MPDZ: variants seen among roughly 807,000 people sequenced by gnomAD.
The protein encoded by MPDZ is multiple PDZ domain crumbs cell polarity complex component.
MPDZ carries 234 observed loss-of-function variants against 239.1 expected under a neutral mutation model. The ratio of observed to expected loss-of-function variants is 0.98; its 90% CI spans 0.88 to 1.09. The LOEUF (loss-of-function observed/expected upper bound fraction) is 1.09, where lower values mean the gene tolerates loss of function less well. MPDZ is among the 50% of genes least tolerant of loss of function. The probability of loss-of-function intolerance (pLI) is 0.00; values close to 1 mark genes in which losing one functional copy is unlikely to be tolerated. For missense variants in MPDZ, 3,175 were observed against 2,510.0 expected (o/e 1.26, Z -5.66); for synonymous variants, 1,048 against 881.3 (o/e 1.19, Z -3.35).
At position 13,144,098 on chromosome 9, in the gene MPDZ, A is replaced by G. The variant is rs181120932; in HGVS notation, c.3742-534T>C. On this transcript the variant is annotated intron_variant, in intron 26 of 46. Transcript: ENST00000319217. ...TTGACTGGATATTAAAGTGCTTCAG[A>G]GCAATTGTATTTTTTAAATTAAAAA... Among the ~76,000 whole-genome samples the G allele has an allele frequency of 3.9e-5, 6 of 152,182 alleles. No homozygotes were observed. The East Asian group carries it at 9.7e-4, about 24-fold the overall frequency.
At position 13,249,008 on chromosome 9, in the gene MPDZ, A is replaced by AAAAAC. The variant is rs1279043046; in HGVS notation, c.17-1208_17-1207insGTTTT. On this transcript the variant is annotated intron_variant, in intron 2 of 46. Transcript: ENST00000319217. ...AAAAAAAAAAAAAAAAAAAAAAAAA[A>AAAAAC]ATTGGAATCATCACCAGAGATACTT... 8.8e-5 allele frequency among the ~76,000 whole-genome samples: 11 copies of AAAAAC among 125,250 alleles called. 1 individual carries two copies. The highest frequency in any genetic ancestry group is 1.7e-4 in the Non-Finnish European group (10 of 58,348). 82.2% of individuals were successfully genotyped at this position (125,250 alleles called of 152,430 possible). A position where few individuals can be genotyped will look rare whatever the true frequency, so the allele number is the denominator to read the frequency against.
chr9:13,216,020 G>C (rs894581944), intron 10 of MPDZ, among the ~76,000 whole-genome samples: 30 of 145,672 alleles, frequency 2.1e-4, no homozygotes, highest in Non-Finnish European at 3.9e-4. Flanking sequence ...CACCAGCTCA[G>C]TGAAGACACC....
intron 20 of MPDZ, 87 bp from the exon 21 acceptor site, chr9:13,175,962 A>G: frequency 2.7e-6 from 4 of 1,477,766 alleles, no homozygotes; most frequent in Non-Finnish European, 3.6e-6. Flanking sequence ...ATGTTCTCTA[A>G]TTGATTGTGC....
intron 23 of MPDZ, among the ~76,000 whole-genome samples, chr9:13,159,215 C>T (rs575527018): frequency 6.6e-6 from 1 of 152,250 alleles, no homozygotes; most frequent in South Asian, 2.1e-4. Context: ...TCCAGGCTCT[C>T]CAAGAACATC....
rs1159563307 is a variant in MPDZ at position 13,143,532 on chromosome 9, A to C, written c.3774T>G (p.Leu1258=). 6.2e-7 allele frequency: 1 copy of C among 1,613,102 alleles called. No individual in the cohort carries two copies. The highest frequency in any genetic ancestry group is 8.5e-7 in the Non-Finnish European group (1 of 1,179,214). Residue 1258 remains leucine (L), a synonymous_variant, in exon 27 of 47, where the codon CTT becomes CTG. Transcript: ENST00000319217. The part of the protein sequence containing the change: ...KSPLPSLLHN[L]YPKYNFSSTN... ...TGCTGCTGAAGTTGTACTTAGGGTAAAGGTTGTGCAGCAAGGAAGGCAAAG... is the reference window on the plus strand; with the variant it reads ...TGCTGCTGAAGTTGTACTTAGGGTACAGGTTGTGCAGCAAGGAAGGCAAAG...
chr9:13,264,211 T>G (rs1393848882), intron 1 of MPDZ, among the ~76,000 whole-genome samples: 1 of 152,200 alleles, frequency 6.6e-6, no homozygotes, highest in Admixed American at 6.5e-5. Context: ...AAGTTATTTT[T>G]ATTTTTAAGA....
Position 13,192,277 on chromosome 9 carries a change from G to T in MPDZ, c.1822C>A (p.Leu608Ile). 6.3e-7 allele frequency: 1 copy of T among 1,598,968 alleles called. No homozygotes were observed. ...ELLEVNGITLLGENHQDVVNI... is the reference protein window; with the variant it reads ...ELLEVNGITLIGENHQDVVNI... ...ACCACATCTTGGTGATTTTCCCCAA[G>T]TAAAGTTATGCCATTTACCTGTGAA... is the stretch of plus-strand genomic sequence containing the variant. Residue 608 changes from leucine (L) to isoleucine (I), a missense_variant, in exon 15 of 47, where the codon CTT becomes ATT. Physicochemically the swap from Leu to Ile is conservative, Grantham distance 5 (BLOSUM62 2). Coordinates refer to ENST00000319217, the MANE Select transcript of MPDZ (RefSeq NM_001378778.1).
intron 21 of MPDZ, among the ~76,000 whole-genome samples, chr9:13,169,160 A>C (rs977783465): frequency 6.6e-6 from 1 of 152,110 alleles, no homozygotes; most frequent in Non-Finnish European, 1.5e-5. Context: ...AAAGTATAAC[A>C]GTTTGTTGAA....
chr9:13,158,795 G>A (rs1345923208), intron 23 of MPDZ, among the ~76,000 whole-genome samples: 1 of 152,140 alleles, frequency 6.6e-6, no homozygotes, highest in Admixed American at 6.6e-5. Flanking sequence ...TCTACTGATT[G>A]ACTGTAAAGA....
At chr9:13,128,683 T>C (rs560971462) in intron 32 of MPDZ, among the ~76,000 whole-genome samples, 20 of 152,314 alleles carry the variant, frequency 1.3e-4, no homozygotes, top group South Asian at 1.2e-3. Context: ...TACAGTCCCA[T>C]GGTCACAGTC....
rs770745357 is a variant in MPDZ at position 13,143,456 on chromosome 9, A to G, written c.3840+10T>C. 3.7e-6 allele frequency: 6 copies of G among 1,601,312 alleles called. No individual in the cohort carries two copies. Among genetic ancestry groups the G allele is most frequent in the East Asian group, 2.2e-5 (1 of 44,826 alleles). On this transcript the variant is annotated intron_variant, in intron 27 of 46. Coordinates refer to ENST00000319217, the MANE Select transcript of MPDZ (RefSeq NM_001378778.1). The stretch of plus-strand genomic sequence containing the variant: ...GGCAACCAACAGCAAGACAATGGGC[A>G]TTATCCAACCTTGTCGGCGTTGATT...
At chr9:13,241,411 C>A (rs1965376056) in intron 3 of MPDZ, among the ~76,000 whole-genome samples, 1 of 152,132 alleles carries the variant, frequency 6.6e-6, no homozygotes, top group Non-Finnish European at 1.5e-5. Context: ...TTAATGAAAT[C>A]AAAGCATATT....
chr9:13,265,000 G>C (rs1175667694), intron 1 of MPDZ, among the ~76,000 whole-genome samples: 1 of 152,188 alleles, frequency 6.6e-6, no homozygotes, highest in South Asian at 2.1e-4. Context: ...CATAGAACCA[G>C]GCAGGGGGAT....
chr9:13,143,707 T>C (rs1030149221), intron 26 of MPDZ, 143 bp from the exon 27 acceptor site: 9 of 676,236 alleles, frequency 1.3e-5, no homozygotes, highest in African/African-American at 5.4e-5. Context: ...AGCAACATCT[T>C]AAAACAGTCT....
chr9:13,276,634 C>A (rs759493166), intron 1 of MPDZ: 1 of 152,190 alleles, frequency 6.6e-6, no homozygotes, highest in Admixed American at 6.5e-5. Flanking sequence ...AGTGTAGGAT[C>A]TTTCTCTGGC....
chr9:13,119,493 A>G lies in MPDZ; in HGVS notation c.5379+9T>C. 2 of 1,599,910 alleles carry G rather than the reference A, an allele frequency of 1.3e-6. No homozygotes were observed. Among genetic ancestry groups the G allele is most frequent in the Non-Finnish European group, 1.7e-6 (2 of 1,174,576 alleles). ...GCTATTACACAGAATTATTTTTTGCATTTTTTACCTTTAGCAAAGCGGCAA... is the reference window on the plus strand; with the variant it reads ...GCTATTACACAGAATTATTTTTTGCGTTTTTTACCTTTAGCAAAGCGGCAA... On this transcript the variant is annotated intron_variant, in intron 39 of 46. Coordinates refer to ENST00000319217, the MANE Select transcript of MPDZ (RefSeq NM_001378778.1).
In MPDZ at chr9:13,126,589, T is replaced by G. The variant is rs781161993; in HGVS notation, c.4559A>C (p.Asp1520Ala). 23 of 1,604,936 alleles carry G rather than the reference T, an allele frequency of 1.4e-5. No individual in the cohort carries two copies. Among genetic ancestry groups the G allele is most frequent in the Non-Finnish European group, 1.6e-5 (19 of 1,175,086 alleles). The change falls in exon 34 of 47, where the codon GAT becomes GCT. Residue 1520 changes from aspartate (D) to alanine (A), a missense_variant and splice_region_variant. Asp to Ala is a moderately radical substitution (Grantham distance 126). Transcript: ENST00000319217. Reference protein sequence around the residue: ...SLTEHGVAATDGRLKVGDQIL... With the variant: ...SLTEHGVAATAGRLKVGDQIL... ...CTGATCTCCGACTTTGAGTCGTCCA[T>G]CCTAAATGGAAACGTAGAAGAATTT...
At chr9:13,135,721 CAA>C (rs2132231184) in intron 31 of MPDZ, 1 of 157,958 alleles carries the variant, frequency 6.3e-6, no homozygotes, top group South Asian at 2.0e-4. Flanking sequence ...CTGCATTGGC[CAA>C]AGTCTCCATG....
chr9:13,222,327 A>G lies in MPDZ; in HGVS notation c.653T>C (p.Leu218Pro), dbSNP rs1959178551. The G allele has an allele frequency of 6.2e-7, 1 of 1,612,944 alleles. No homozygotes were observed. The highest frequency in any genetic ancestry group is 8.5e-7 in the Non-Finnish European group (1 of 1,179,350). The stretch of plus-strand genomic sequence containing the variant: ...AGGCAATGAGCCTCTGGCAATAACT[A>G]GCTGGACAGTATCTTTGGCTTTCTG... ...ILQKAKDTVQLVIARGSLPQL... is the reference protein window; with the variant it reads ...ILQKAKDTVQPVIARGSLPQL... The change falls in exon 6 of 47, where the codon CTA becomes CCA. Residue 218 changes from leucine (L) to proline (P), a missense_variant. Transcript: ENST00000319217.
Sources: allele counts gnomAD v4.1 joint callset (sites outside exome capture counted in the v4.1 genomes callset), GRCh38; gene constraint gnomAD v4.1.1; transcripts MANE v1.5; gene names NCBI Gene and HGNC (gene_info 2026-07-23, HGNC 2026-07-21).